Variants in NRG1 observed in about 807,000 individuals in gnomAD.
NRG1 encodes the protein pro-neuregulin-1, membrane-bound isoform.
A neutral mutation model predicts 63.8 loss-of-function variants in NRG1; 18 were observed. The observed-to-expected ratio is 0.28, with a 90% CI of 0.19 to 0.42. The LOEUF (loss-of-function observed/expected upper bound fraction) is 0.42. Ranked by LOEUF, NRG1 falls within the 10% of genes least tolerant of loss-of-function variation. NRG1 has a pLI of 1.00. For synonymous variants in NRG1, 302 were observed against 301.3 expected, an observed-to-expected ratio of 1.00 and a Z score of -0.02; for missense variants, 762 against 814.7, an observed-to-expected ratio of 0.94 and a Z score of 0.79.
intron 1 of NRG1, among the ~76,000 whole-genome samples, chr8:32,439,814 A>G (rs1009854014): frequency 1.3e-5 from 2 of 148,394 alleles, no homozygotes; most frequent in Admixed American, 6.8e-5. Flanking sequence ...TCTATGGCCC[A>G]GGCTGGAGTA....
chr8:32,437,638 C>A (rs1336930302), intron 1 of NRG1, among the ~76,000 whole-genome samples: 1 of 152,168 alleles, frequency 6.6e-6, no homozygotes, highest in African/African-American at 2.4e-5. Flanking sequence ...AAATACCTTA[C>A]TACTGCATTA....
intron 2 of NRG1, among the ~76,000 whole-genome samples, chr8:32,604,281 G>A (rs73588631): frequency 0.011 from 1,610 of 152,182 alleles, 11 homozygotes; most frequent in Middle Eastern, 0.048. Context: ...GCACAGAGGT[G>A]GAAGATCAGG....
intron 1 of NRG1, among the ~76,000 whole-genome samples, chr8:32,488,981 G>A (rs759673098): frequency 7.2e-5 from 11 of 152,220 alleles, no homozygotes; most frequent in African/African-American, 2.7e-4. Flanking sequence ...TAGAGAGGGA[G>A]TGAAAGTTTA....
rs1212940480 is a variant in NRG1 at position 31,701,475 on chromosome 8, A to T, written c.37+62044A>T. On this transcript the variant is annotated intron_variant, in intron 1 of 10. Transcript: ENST00000519301. ...TTTGAGTCAAAATCATTTTTATTCA[A>T]GAGGGAACAATTATATTAATCTAGA... 2.6e-5 allele frequency among the ~76,000 whole-genome samples: 4 copies of T among 152,254 alleles called. No homozygotes were observed. In the East Asian group the frequency reaches 7.7e-4, roughly 29 times the overall value.
At chr8:32,245,008 A>G (rs929645955) in intron 1 of NRG1, among the ~76,000 whole-genome samples, 1 of 152,150 alleles carries the variant, frequency 6.6e-6, no homozygotes, top group African/African-American at 2.4e-5. Flanking sequence ...TAGGATGTCA[A>G]TGTTCTTGAT....
chr8:32,196,524 A>G (rs955159134), intron 1 of NRG1, among the ~76,000 whole-genome samples: 1 of 152,236 alleles, frequency 6.6e-6, no homozygotes, highest in Non-Finnish European at 1.5e-5. Flanking sequence ...CCCAATTCAC[A>G]CAATGAATCC....
chr8:32,676,110 G>C (rs1464661589), intron 5 of NRG1, among the ~76,000 whole-genome samples: 1 of 152,274 alleles, frequency 6.6e-6, no homozygotes, highest in South Asian at 2.1e-4. Flanking sequence ...TTGCCATGGA[G>C]GTCAGTATCA....
intron 1 of NRG1, among the ~76,000 whole-genome samples, chr8:32,489,308 C>G (rs995411261): frequency 6.6e-6 from 1 of 152,142 alleles, no homozygotes; most frequent in African/African-American, 2.4e-5. Flanking sequence ...TGCCATTTGG[C>G]CTCTTAGTGC....
intron 1 of NRG1, among the ~76,000 whole-genome samples, chr8:32,296,405 G>A (rs1014116865): frequency 6.6e-6 from 1 of 152,090 alleles, no homozygotes; most frequent in Non-Finnish European, 1.5e-5. Flanking sequence ...GCTGAGGTCA[G>A]GAGTTCCAGA....
rs1428005721 is a variant in NRG1, at chr8:31,741,256, A to G, written c.37+101825A>G. Among the ~76,000 whole-genome samples, 2 of 152,040 alleles carry G rather than the reference A, an allele frequency of 1.3e-5. 1 individual carries two copies. Among genetic ancestry groups the G allele is most frequent in the South Asian group, 4.1e-4 (2 of 4,824 alleles). Reference sequence around the variant, plus strand: ...CAGGGGGAGGGTTGAAAACCTACCTATGAAGTATATGTTCAGTACCTTGGT... The same window carrying G: ...CAGGGGGAGGGTTGAAAACCTACCTGTGAAGTATATGTTCAGTACCTTGGT... On this transcript the variant is annotated intron_variant, in intron 1 of 10. Coordinates refer to the NRG1 transcript ENST00000519301.
At chr8:32,388,382 C>A (rs986241502) in intron 1 of NRG1, among the ~76,000 whole-genome samples, 5 of 152,166 alleles carry the variant, frequency 3.3e-5, no homozygotes, top group African/African-American at 9.7e-5. Context: ...AAATTTCTAA[C>A]GTAGGGGTTT....
At chr8:32,629,025 C>T (rs1446425878) in intron 5 of NRG1, among the ~76,000 whole-genome samples, 5 of 152,132 alleles carry the variant, frequency 3.3e-5, no homozygotes, top group Admixed American at 1.3e-4. Context: ...TGAACCACCA[C>T]GCCCAGCCCC....
At chr8:31,712,416 G>A (rs958932124) in intron 1 of NRG1, among the ~76,000 whole-genome samples, 87 of 151,626 alleles carry the variant, frequency 5.7e-4, no homozygotes, top group African/African-American at 1.9e-3. Flanking sequence ...CTATAGGCAC[G>A]TGCCACCACA....
At chr8:32,145,769 C>T (rs978364259) in intron 1 of NRG1, among the ~76,000 whole-genome samples, 2 of 152,202 alleles carry the variant, frequency 1.3e-5, no homozygotes, top group Non-Finnish European at 2.9e-5. Context: ...TGTTTATTAT[C>T]AGCAGCATTG....
intron 1 of NRG1, among the ~76,000 whole-genome samples, chr8:32,251,890 T>A (rs1465569434): frequency 1.2e-5 from 1 of 82,048 alleles, no homozygotes; most frequent in African/African-American, 5.9e-5. Flanking sequence ...TCTCTAATGT[T>A]AGCTGCATAA....
chr8:31,860,667 A>G (rs1381170663), intron 1 of NRG1, among the ~76,000 whole-genome samples: 1 of 152,206 alleles, frequency 6.6e-6, no homozygotes, highest in Non-Finnish European at 1.5e-5. Flanking sequence ...AAGAGAGAAT[A>G]AACAATGATT....
chr8:32,586,823 T>C (rs1377894354), intron 1 of NRG1, among the ~76,000 whole-genome samples: 1 of 152,170 alleles, frequency 6.6e-6, no homozygotes, highest in Non-Finnish European at 1.5e-5. Context: ...TTTGCGGATA[T>C]GTAGTGACAA....
At chr8:31,827,900 A>G (rs1586675075) in intron 1 of NRG1, among the ~76,000 whole-genome samples, 1 of 152,194 alleles carries the variant, frequency 6.6e-6, no homozygotes, top group Non-Finnish European at 1.5e-5. Flanking sequence ...CCTTATATTC[A>G]TAGGATCTAG....
In NRG1 at chr8:31,917,262, A is replaced by G. The variant is rs544107597; in HGVS notation, c.37+277831A>G. Among the ~76,000 whole-genome samples, 58 of 145,020 alleles carry G rather than the reference A, an allele frequency of 4.0e-4. 1 individual carries two copies. Among genetic ancestry groups the G allele is most frequent in the African/African-American group, 1.3e-3 (52 of 38,952 alleles). On this transcript the variant is annotated intron_variant, in intron 1 of 10. Coordinates refer to the NRG1 transcript ENST00000519301. ...TTGTTGACATTGCTTTTGGTGTTTTAGACATGAAGTTCTTGCCCATGCCTA... is the reference window on the plus strand; with the variant it reads ...TTGTTGACATTGCTTTTGGTGTTTTGGACATGAAGTTCTTGCCCATGCCTA...
Sources: allele counts gnomAD v4.1 joint callset (sites outside exome capture counted in the v4.1 genomes callset), GRCh38; gene constraint gnomAD v4.1.1; transcripts MANE v1.5; gene names NCBI Gene and HGNC (gene_info 2026-07-23, HGNC 2026-07-21).